The following GRID2 variants were observed in gnomAD, a reference collection of about 807,000 sequenced individuals.
GRID2 encodes glutamate ionotropic receptor delta type subunit 2.
A neutral mutation model predicts 114.8 loss-of-function variants in GRID2; 33 were observed. The ratio of observed to expected loss-of-function variants is 0.29; its 90% CI spans 0.22 to 0.38. The LOEUF is 0.38. Ranked by LOEUF, GRID2 falls within the 10% of genes least tolerant of loss-of-function variation. The pLI is 1.00. For synonymous variants in GRID2, 505 were observed against 449.9 expected, an observed-to-expected ratio of 1.12 and a Z score of -1.55; for missense variants, 1,184 against 1,257.7, an observed-to-expected ratio of 0.94 and a Z score of 0.89.
chr4:92,330,201 A>C (rs1031586021), intron 1 of GRID2, among the ~76,000 whole-genome samples: 1 of 152,248 alleles, frequency 6.6e-6, no homozygotes, highest in Non-Finnish European at 1.5e-5. Flanking sequence ...ACCATTGTTT[A>C]AGATGTTTAA....
rs1255684064 is a variant in GRID2, at chr4:93,259,502, A to G, written c.1245+21012A>G. ...AATCTTACCAAATGATAGGCTTTTT[A>G]CATACATGAAATTTATACTGTCAAT... On this transcript the variant is annotated intron_variant, in intron 8 of 15. Coordinates refer to ENST00000282020, the MANE Select transcript of GRID2 (RefSeq NM_001510.4). Among the ~76,000 whole-genome samples the G allele has an allele frequency of 4.0e-5, 6 of 151,890 alleles. No homozygotes were observed. The East Asian group carries it at 9.6e-4, about 24-fold the overall frequency.
intron 14 of GRID2, among the ~76,000 whole-genome samples, chr4:93,673,827 A>T (rs1724629929): frequency 6.6e-6 from 1 of 152,168 alleles, no homozygotes; most frequent in Admixed American, 6.5e-5. Context: ...ACCATAAATC[A>T]AACTTGATGT....
At chr4:93,585,608 A>G (rs895984972) in intron 13 of GRID2, among the ~76,000 whole-genome samples, 2 of 152,050 alleles carry the variant, frequency 1.3e-5, no homozygotes, top group Non-Finnish European at 2.9e-5. Flanking sequence ...AGCATTAATC[A>G]TTTCATTATT....
intron 14 of GRID2, among the ~76,000 whole-genome samples, chr4:93,684,344 T>C (rs1159351402): frequency 6.6e-6 from 1 of 152,158 alleles, no homozygotes; most frequent in African/African-American, 2.4e-5. Flanking sequence ...TTAAAAGATC[T>C]TAGTTTGAAG....
rs760605020 is a variant in GRID2, at chr4:92,688,037, CTTTTTTTTTTTTTT to C, written c.244+97767_244+97780del. Among the ~76,000 whole-genome samples, 4 of 44,668 alleles carry C rather than the reference CTTTTTTTTTTTTTT, an allele frequency of 9.0e-5. 1 individual carries two copies. Among genetic ancestry groups the C allele is most frequent in the South Asian group, 1.6e-3 (2 of 1,268 alleles). 29.3% of individuals were successfully genotyped at this position (44,668 alleles called of 152,430 possible). On this transcript the variant is annotated intron_variant, in intron 2 of 15. Coordinates refer to ENST00000282020, the MANE Select transcript of GRID2 (RefSeq NM_001510.4). ...GCCACATTGGTTGACCCTTCTTCTTCTTTTTTTTTTTTTTTTTTTTTTTTTTTTTGGGATGGAGT... is the reference window on the plus strand; with the variant it reads ...GCCACATTGGTTGACCCTTCTTCTTCTTTTTTTTTTTTTTTGGGATGGAGT...
intron 1 of GRID2, among the ~76,000 whole-genome samples, chr4:92,459,617 A>C (rs546038936): frequency 6.6e-6 from 1 of 152,212 alleles, no homozygotes; most frequent in East Asian, 1.9e-4. Flanking sequence ...TCTGTGCCTA[A>C]AAATGTGTAT....
intron 13 of GRID2, among the ~76,000 whole-genome samples, chr4:93,517,177 G>A (rs921789391): frequency 1.3e-5 from 2 of 152,012 alleles, no homozygotes; most frequent in East Asian, 3.9e-4. Flanking sequence ...TATGAGTAGA[G>A]CCATAAACCT....
chr4:93,800,286 C>T (rs1260830359), intron 1 of GRID2, among the ~76,000 whole-genome samples: 3 of 152,314 alleles, frequency 2.0e-5, no homozygotes, highest in African/African-American at 7.2e-5. Context: ...AGAACTGTGG[C>T]TTTCACTGAC....
At chr4:92,475,898 T>G (rs545068937) in intron 1 of GRID2, among the ~76,000 whole-genome samples, 1 of 152,168 alleles carries the variant, frequency 6.6e-6, no homozygotes, top group East Asian at 1.9e-4. Flanking sequence ...TTAAACATAT[T>G]CCTAAATATA....
chr4:93,267,143 T>G (rs1253998062), intron 8 of GRID2, among the ~76,000 whole-genome samples: 1 of 151,538 alleles, frequency 6.6e-6, no homozygotes, highest in Non-Finnish European at 1.5e-5. Context: ...TGGATAGTGT[T>G]CCATTGAATA....
chr4:92,373,196 A>G (rs886760621), intron 1 of GRID2, among the ~76,000 whole-genome samples: 2 of 152,194 alleles, frequency 1.3e-5, no homozygotes, highest in Non-Finnish European at 2.9e-5. Context: ...AATTCCTTTT[A>G]AAGCAGAAAT....
chr4:92,371,800 C>G (rs1206150489), intron 1 of GRID2, among the ~76,000 whole-genome samples: 1 of 152,096 alleles, frequency 6.6e-6, no homozygotes. Flanking sequence ...CTATAGCTGT[C>G]ATAGATAATG....
chr4:93,565,251 A>C (rs1385504574), intron 13 of GRID2, among the ~76,000 whole-genome samples: 1 of 152,104 alleles, frequency 6.6e-6, no homozygotes, highest in African/African-American at 2.4e-5. Context: ...TACACCACAC[A>C]CATGAGATTA....
At chr4:92,615,215 G>C (rs1729951380) in intron 2 of GRID2, among the ~76,000 whole-genome samples, 1 of 151,428 alleles carries the variant, frequency 6.6e-6, no homozygotes, top group Non-Finnish European at 1.5e-5. Context: ...TACCGAGGTG[G>C]GGTGGGGCAG....
At chr4:93,550,845 A>T (rs756036810) in intron 13 of GRID2, among the ~76,000 whole-genome samples, 16 of 152,320 alleles carry the variant, frequency 1.1e-4, no homozygotes, top group Non-Finnish European at 2.2e-4. Flanking sequence ...TTTGAGATGC[A>T]TATATTTTTT....
chr4:92,469,738 CTTAG>C (rs1278383945), intron 1 of GRID2, among the ~76,000 whole-genome samples: 4 of 151,206 alleles, frequency 2.6e-5, no homozygotes, highest in African/African-American at 9.7e-5. Context: ...AATAACCCAA[CTTAG>C]TTAGATTCAA....
At chr4:92,692,314 G>A (rs2149293849) in intron 2 of GRID2, among the ~76,000 whole-genome samples, 1 of 152,132 alleles carries the variant, frequency 6.6e-6, no homozygotes, top group South Asian at 2.1e-4. Context: ...TTTAATATAT[G>A]TCTTACTTTG....
At chr4:92,652,006 G>A (rs1731957756) in intron 2 of GRID2, among the ~76,000 whole-genome samples, 1 of 152,086 alleles carries the variant, frequency 6.6e-6, no homozygotes, top group Non-Finnish European at 1.5e-5. Flanking sequence ...ATGGCTGTTT[G>A]GACCACTTCT....
At chr4:92,702,133 T>C (rs1232823959) in intron 2 of GRID2, among the ~76,000 whole-genome samples, 3 of 152,104 alleles carry the variant, frequency 2.0e-5, no homozygotes, top group African/African-American at 7.2e-5. Context: ...CAGGTCAGTT[T>C]CTATCTATTT....
Sources: allele counts gnomAD v4.1 joint callset (sites outside exome capture counted in the v4.1 genomes callset), GRCh38; gene constraint gnomAD v4.1.1; transcripts MANE v1.5; gene names NCBI Gene and HGNC (gene_info 2026-07-23, HGNC 2026-07-21).